Variants in AP4E1 observed in about 807,000 individuals in gnomAD.
AP4E1 encodes the protein adaptor related protein complex 4 subunit epsilon 1.
In AP4E1, 56 loss-of-function variants were observed where a neutral mutation model predicts 128.2. That is an observed-to-expected ratio of 0.44 (90% CI 0.35 to 0.55). The LOEUF is 0.55. AP4E1 is among the 20% of genes least tolerant of loss of function. The pLI is 0.00. For missense variants in AP4E1, 1,324 were observed against 1,307.7 expected, an observed-to-expected ratio of 1.01 and a Z score of -0.19; for synonymous variants, 484 against 473.1, an observed-to-expected ratio of 1.02 and a Z score of -0.30.
At chr15:50,968,453 AATAAAG>A in intron 15 of AP4E1, 76 bp downstream of exon 15, 2 of 1,026,912 alleles carry the variant, frequency 1.9e-6, no homozygotes, top group Non-Finnish European at 3.0e-6. Flanking sequence ...TAAGTAAATA[AATAAAG>A]ATATTTACTT....
Position 50,950,186 on chromosome 15 carries a change from A to T in AP4E1, c.1548+17A>T. ...ATGAGTTGGGTGAGCAAAGTACCTT[A>T]AATCATAAATTTTTATAACATTTTT... is the stretch of plus-strand genomic sequence containing the variant. On this transcript the variant is annotated intron_variant, in intron 13 of 20. Transcript: ENST00000261842. 6.7e-7 allele frequency: 1 copy of T among 1,486,918 alleles called. No homozygotes were observed. Among genetic ancestry groups the T allele is most frequent in the Non-Finnish European group, 9.3e-7 (1 of 1,070,702 alleles). The allele number at this position is 1,486,918 out of a possible 1,614,324, so 92.1% of individuals were successfully genotyped here.
intron 18 of AP4E1, among the ~76,000 whole-genome samples, 161 bp downstream of exon 18, chr15:50,998,044 T>G (rs549495242): frequency 6.6e-6 from 1 of 152,360 alleles, no homozygotes; most frequent in African/African-American, 2.4e-5. Flanking sequence ...TATTGAAGAA[T>G]AAATGTGTAT....
At chr15:50,990,344 T>TTATTATTA (rs1555461844) in intron 16 of AP4E1, among the ~76,000 whole-genome samples, 3 of 141,102 alleles carry the variant, frequency 2.1e-5, no homozygotes, top group Admixed American at 7.1e-5. Context: ...ATTTATTTAA[T>TTATTATTA]TTATTATTAT....
At chr15:50,913,484 A>G (rs929693365) in intron 2 of AP4E1, among the ~76,000 whole-genome samples, 2 of 152,240 alleles carry the variant, frequency 1.3e-5, no homozygotes, top group African/African-American at 2.4e-5. Context: ...TTATAACACT[A>G]TGGCCATCCA....
chr15:50,991,140 G>A (rs975064389), intron 16 of AP4E1, among the ~76,000 whole-genome samples: 1 of 152,152 alleles, frequency 6.6e-6, no homozygotes, highest in Admixed American at 6.6e-5. Flanking sequence ...GTGATCTTGC[G>A]TGAAGTAGCC....
chr15:50,912,250 T>A (rs1184677424), intron 2 of AP4E1, 101 bp downstream of exon 2: 2 of 1,076,114 alleles, frequency 1.9e-6, no homozygotes, highest in East Asian at 4.7e-5. Context: ...AAAATTTGAT[T>A]TATCATAGTC....
At chr15:50,967,321 C>T (rs371887135) in intron 14 of AP4E1, among the ~76,000 whole-genome samples, 1 of 152,024 alleles carries the variant, frequency 6.6e-6, no homozygotes, top group East Asian at 1.9e-4. Flanking sequence ...GGCAGTTATC[C>T]TAGATTATGT....
intron 19 of AP4E1, among the ~76,000 whole-genome samples, chr15:50,999,503 TGA>T (rs1484210202): frequency 1.3e-5 from 2 of 152,192 alleles, no homozygotes; most frequent in Non-Finnish European, 2.9e-5. Context: ...GGGATTATAA[TGA>T]GAGACCTGAT....
chr15:50,916,691 A>G (rs1469983162), intron 3 of AP4E1, among the ~76,000 whole-genome samples: 1 of 152,220 alleles, frequency 6.6e-6, no homozygotes, highest in Non-Finnish European at 1.5e-5. Context: ...TACTCCGCCC[A>G]AAACACACTT....
At position 51,002,659 on chromosome 15, in the gene AP4E1, C is replaced by T. The variant is rs771337158; in HGVS notation, c.3411C>T (p.Ser1137=). ...AGTGTCAAAAGGTGATGGAGGGATC[C>T]TAGCAGAAGCCCTGCTAAATTTTAC... ...LYQCQKVMEG[S] is the part of the protein sequence containing the mutation. The change falls in exon 21 of 21, where the codon TCC becomes TCT. Residue 1137 remains serine (S), a synonymous_variant. Coordinates refer to ENST00000261842, the MANE Select transcript of AP4E1 (RefSeq NM_007347.5). The T allele has an allele frequency of 1.9e-6, 3 of 1,613,992 alleles. No individual in the cohort carries two copies. The highest frequency in any genetic ancestry group is 2.2e-5 in the South Asian group (2 of 91,078).
At chr15:50,993,764 C>T (rs2064834553) in intron 17 of AP4E1, 139 bp downstream of exon 17, 1 of 1,036,698 alleles carries the variant, frequency 9.6e-7, no homozygotes, top group Non-Finnish European at 1.4e-6. Flanking sequence ...CATCATTTCC[C>T]AGCTCCAGAA....
intron 14 of AP4E1, among the ~76,000 whole-genome samples, chr15:50,964,222 A>G (rs543755962): frequency 1.1e-4 from 16 of 152,296 alleles, no homozygotes; most frequent in Non-Finnish European, 2.2e-4. Flanking sequence ...TATTTCAAAG[A>G]CATGTCTTCA....
Position 50,908,790 on chromosome 15 carries a change from A to G in AP4E1, c.12A>G (p.Ile4Met), listed in dbSNP as rs748241372. The change falls in exon 1 of 21, where the codon ATA becomes ATG. Residue 4 changes from isoleucine to methionine, a missense_variant. Transcript: ENST00000261842. The part of the protein sequence containing the change: MSD[I>M]VEKTLTALPG... Reference sequence around the variant, plus strand: ...GGGCGGCGGCGGCGATGAGCGACATAGTGGAGAAGACGCTGACGGCGCTGC... The same window carrying G: ...GGGCGGCGGCGGCGATGAGCGACATGGTGGAGAAGACGCTGACGGCGCTGC... 2 of 1,590,092 alleles carry G rather than the reference A, an allele frequency of 1.3e-6. No individual in the cohort carries two copies. The highest frequency in any genetic ancestry group is 2.3e-5 in the South Asian group (2 of 88,220).
chr15:51,002,780 G>A lies in AP4E1; in HGVS notation c.*118G>A. 1 of 1,285,334 alleles carries A rather than the reference G, an allele frequency of 7.8e-7. No individual in the cohort carries two copies. 79.6% of individuals were successfully genotyped at this position (1,285,334 alleles called of 1,614,324 possible). On this transcript the variant is annotated 3_prime_UTR_variant, in exon 21 of 21. Coordinates refer to ENST00000261842, the MANE Select transcript of AP4E1 (RefSeq NM_007347.5). ...TGAAAATGGGGATTATTACAAGTGT[G>A]GTTTATATGTTTTCTTTGTGATTCC...
intron 18 of AP4E1, among the ~76,000 whole-genome samples, chr15:50,998,089 A>G (rs537854326): frequency 6.6e-6 from 1 of 152,310 alleles, no homozygotes; most frequent in East Asian, 1.9e-4. Flanking sequence ...ATTTATTTTT[A>G]TATACCAAGT....
intron 10 of AP4E1, chr15:50,945,567 C>T (rs547237611): frequency 8.2e-5 from 61 of 741,100 alleles, no homozygotes; most frequent in South Asian, 6.7e-4. Context: ...CTGCTAGTTT[C>T]GATAAAGCTA....
chr15:50,937,391 AG>A (rs558421537), intron 8 of AP4E1, among the ~76,000 whole-genome samples: 2 of 152,344 alleles, frequency 1.3e-5, no homozygotes, highest in South Asian at 2.1e-4. Flanking sequence ...ATTACAATTT[AG>A]TGTCTAATCA....
chr15:50,929,118 G>A lies in AP4E1; in HGVS notation c.652G>A (p.Asp218Asn). Residue 218 changes from aspartate to asparagine, a missense_variant, in exon 6 of 21, where the codon GAT becomes AAT. Transcript: ENST00000261842. ...IKFRKALCDR[D>N]VGVMAASLHI... Reference sequence around the variant, plus strand: ...GTTTCGGAAAGCACTTTGTGACAGAGATGTTGGGGTCATGGCTGCCTCCTT... The same window carrying A: ...GTTTCGGAAAGCACTTTGTGACAGAAATGTTGGGGTCATGGCTGCCTCCTT... The A allele has an allele frequency of 6.2e-7, 1 of 1,613,894 alleles. No individual in the cohort carries two copies. Among genetic ancestry groups the A allele is most frequent in the Non-Finnish European group, 8.5e-7 (1 of 1,179,918 alleles).
At chr15:50,922,286 C>G (rs1159890906) in intron 3 of AP4E1, among the ~76,000 whole-genome samples, 1 of 151,748 alleles carries the variant, frequency 6.6e-6, no homozygotes, top group Non-Finnish European at 1.5e-5. Context: ...GAGTTTTGAT[C>G]GTGCCACTGC....
Sources: gnomAD v4.1 joint callset for allele counts (sites outside exome capture counted in the v4.1 genomes callset) on GRCh38, gnomAD v4.1.1 for gene constraint, MANE v1.5 for transcripts, NCBI Gene and HGNC (gene_info 2026-07-23, HGNC 2026-07-21) for gene names.